Variants in GBE1 observed in about 807,000 individuals in gnomAD.
The protein encoded by GBE1 is 1,4-alpha-glucan branching enzyme 1.
Under a neutral mutation model 88.8 loss-of-function variants are expected in GBE1, and 70 were observed. The ratio of observed to expected loss-of-function variants is 0.79; its 90% CI spans 0.65 to 0.96. GBE1 has a LOEUF of 0.96. Among genes scored for constraint, GBE1 ranks in the 40% least tolerant of loss-of-function variants. The probability of loss-of-function intolerance (pLI) is 0.00; values close to 1 mark genes in which losing one functional copy is unlikely to be tolerated. For synonymous variants in GBE1, 284 were observed against 300.1 expected (o/e 0.95, Z 0.56); for missense variants, 872 against 871.0 (o/e 1.00, Z -0.01).
intron 2 of GBE1, among the ~76,000 whole-genome samples, chr3:81,688,538 T>C (rs766307239): frequency 8.5e-5 from 13 of 152,192 alleles, no homozygotes; most frequent in Non-Finnish European, 1.8e-4. Context: ...ATTTTTAGTT[T>C]TGCAAATAAG....
intron 7 of GBE1, among the ~76,000 whole-genome samples, chr3:81,599,936 T>C (rs1057471685): frequency 6.6e-6 from 1 of 152,206 alleles, no homozygotes; most frequent in African/African-American, 2.4e-5. Context: ...TCCTTTTTCA[T>C]TTTTCCCTTC....
intron 14 of GBE1, among the ~76,000 whole-genome samples, chr3:81,513,751 C>T (rs181457956): frequency 3.3e-5 from 5 of 151,680 alleles, no homozygotes; most frequent in African/African-American, 9.6e-5. Context: ...CAAACGTGGG[C>T]GACACTGTTG....
At chr3:81,496,704 T>C (rs1212309888) in intron 15 of GBE1, among the ~76,000 whole-genome samples, 4 of 152,196 alleles carry the variant, frequency 2.6e-5, no homozygotes, top group Non-Finnish European at 5.9e-5. Flanking sequence ...TAGGTACATT[T>C]GTTAATGTGA....
chr3:81,582,599 C>G (rs1703748253), intron 10 of GBE1, among the ~76,000 whole-genome samples: 2 of 152,018 alleles, frequency 1.3e-5, no homozygotes, highest in East Asian at 1.9e-4. Context: ...ATGGGCCAGA[C>G]TAATTTTTGA....
chr3:81,677,520 T>C (rs905551863), intron 2 of GBE1, among the ~76,000 whole-genome samples: 2 of 152,218 alleles, frequency 1.3e-5, no homozygotes, highest in Non-Finnish European at 2.9e-5. Context: ...CAAAGGCTTA[T>C]AAAGATTGAA....
At chr3:81,536,249 C>T (rs530677417) in intron 13 of GBE1, among the ~76,000 whole-genome samples, 36 of 151,484 alleles carry the variant, frequency 2.4e-4, no homozygotes, top group African/African-American at 6.5e-4. Flanking sequence ...AGTAAAAACA[C>T]ATCAACAGTA....
intron 14 of GBE1, among the ~76,000 whole-genome samples, chr3:81,518,322 G>A (rs1168287036): frequency 6.6e-6 from 1 of 150,900 alleles, no homozygotes; most frequent in Admixed American, 6.6e-5. Context: ...TGACAGCACC[G>A]TGATGGCTAT....
In GBE1 at chr3:81,642,792, A is replaced by T. The variant is rs1222245746; in HGVS notation, c.981T>A (p.Phe327Leu). The T allele has an allele frequency of 6.2e-7, 1 of 1,607,604 alleles. No individual in the cohort carries two copies. The highest frequency in any genetic ancestry group is 1.7e-5 in the Admixed American group (1 of 59,970). ...GTHDLWDSRL[F>L]AYSSWEILRF... is the part of the protein sequence containing the mutation. ...TTGTATGTACCTACCTGGAGTAGGCAAACAATCTGCTATCCCAAAGATCAT... is the reference window on the plus strand; with the variant it reads ...TTGTATGTACCTACCTGGAGTAGGCTAACAATCTGCTATCCCAAAGATCAT... Residue 327 changes from phenylalanine to leucine, a missense_variant, in exon 7 of 16, where the codon TTT becomes TTA. Physicochemically the swap from Phe to Leu is conservative, Grantham distance 22 (BLOSUM62 0). Transcript: ENST00000429644.
chr3:81,605,272 A>G (rs895497654), intron 7 of GBE1, among the ~76,000 whole-genome samples: 2 of 152,192 alleles, frequency 1.3e-5, no homozygotes, highest in African/African-American at 2.4e-5. Context: ...GATTAATTTA[A>G]CAATCTACCC....
chr3:81,617,934 A>C (rs568005191), intron 7 of GBE1, among the ~76,000 whole-genome samples: 1 of 152,140 alleles, frequency 6.6e-6, no homozygotes. Flanking sequence ...AGATTTGGTA[A>C]GTTGTGGTAG....
rs544656607 is a variant in GBE1 at position 81,761,439 on chromosome 3, C to T, written c.79G>A (p.Glu27Lys). The stretch of plus-strand genomic sequence containing the variant: ...TCGATCTCCAGGAGTCTGGCCAGTT[C>T]GGGCACGTCAGCCAGGGCGGCATTG... ...ALNAALADVPELARLLEIDPY... is the reference protein window; with the variant it reads ...ALNAALADVPKLARLLEIDPY... Residue 27 changes from glutamate (E) to lysine (K), a missense_variant, in exon 1 of 16, where the codon GAA becomes AAA. By Grantham distance (56) the Glu-to-Lys change is moderately conservative. Transcript: ENST00000429644. 7.4e-6 allele frequency: 12 copies of T among 1,613,654 alleles called. No individual in the cohort carries two copies. The Admixed American group carries it at 8.3e-5, about 11-fold the overall frequency.
chr3:81,658,009 G>T (rs1704967265), intron 3 of GBE1, among the ~76,000 whole-genome samples: 1 of 152,026 alleles, frequency 6.6e-6, no homozygotes, highest in Admixed American at 6.5e-5. Flanking sequence ...ACTAAAAAAG[G>T]ATAGAAATTA....
chr3:81,751,109 C>T (rs561185896), intron 1 of GBE1, among the ~76,000 whole-genome samples: 24 of 151,764 alleles, frequency 1.6e-4, no homozygotes, highest in African/African-American at 5.3e-4. Context: ...CCCGGCCCTC[C>T]GCCAAAAAAA....
chr3:81,661,431 T>C (rs2107097867), intron 3 of GBE1, among the ~76,000 whole-genome samples: 1 of 152,336 alleles, frequency 6.6e-6, no homozygotes, highest in South Asian at 2.1e-4. Flanking sequence ...ATGCTTTTTA[T>C]AATTATTTTT....
At chr3:81,684,291 G>T (rs1705400266) in intron 2 of GBE1, among the ~76,000 whole-genome samples, 1 of 152,182 alleles carries the variant, frequency 6.6e-6, no homozygotes, top group African/African-American at 2.4e-5. Flanking sequence ...TATCTACTGG[G>T]TAGAAATGTG....
chr3:81,545,188 C>T (rs961391343), intron 12 of GBE1, among the ~76,000 whole-genome samples: 3 of 151,640 alleles, frequency 2.0e-5, no homozygotes, highest in African/African-American at 7.3e-5. Context: ...AGGCACAGCA[C>T]AAAGCAATTT....
At chr3:81,523,053 A>G (rs1038381774) in intron 14 of GBE1, among the ~76,000 whole-genome samples, 1 of 151,474 alleles carries the variant, frequency 6.6e-6, no homozygotes, top group Non-Finnish European at 1.5e-5. Flanking sequence ...CAAGATTTTC[A>G]AAACCGAACC....
Position 81,729,454 on chromosome 3 carries a change from G to A in GBE1, c.144-23841C>T, listed in dbSNP as rs188043899. ...CAATGAGCAGAACTAGGTTGTACAT[G>A]TGGTTTTCCACTTTGGAATAAAAAG... On this transcript the variant is annotated intron_variant, in intron 1 of 15. Transcript: ENST00000429644. Among the ~76,000 whole-genome samples the A allele has an allele frequency of 4.7e-3, 715 of 152,284 alleles. 5 individuals carry two copies. The highest frequency in any genetic ancestry group is 7.7e-3 in the Non-Finnish European group (527 of 68,006).
chr3:81,556,779 G>A (rs762268890), intron 12 of GBE1, among the ~76,000 whole-genome samples: 11 of 152,018 alleles, frequency 7.2e-5, no homozygotes, highest in Non-Finnish European at 1.3e-4. Context: ...CCAGTCTCCA[G>A]TTAAATAAAG....
Sources: allele counts gnomAD v4.1 joint callset (sites outside exome capture counted in the v4.1 genomes callset), GRCh38; gene constraint gnomAD v4.1.1; transcripts MANE v1.5; gene names NCBI Gene and HGNC (gene_info 2026-07-23, HGNC 2026-07-21).